CSMD3: variants seen among roughly 807,000 people sequenced by gnomAD.
CSMD3 encodes CUB and Sushi multiple domains 3, also known as CUB and sushi domain-containing protein 3.
In CSMD3, 177 loss-of-function variants were observed where a neutral mutation model predicts 435.2. The observed-to-expected ratio is 0.41, with a 90% CI of 0.36 to 0.46. The LOEUF (loss-of-function observed/expected upper bound fraction) is 0.46. CSMD3 is among the 20% of genes least tolerant of loss of function. The probability of loss-of-function intolerance (pLI) is 0.34; values close to 1 mark genes in which losing one functional copy is unlikely to be tolerated. For synonymous variants in CSMD3, 1,656 were observed against 1,520.5 expected, an observed-to-expected ratio of 1.09 and a Z score of -2.07; for missense variants, 4,265 against 4,504.6, an observed-to-expected ratio of 0.95 and a Z score of 1.52.
Position 112,503,991 on chromosome 8 carries a change from G to T in CSMD3, c.4896-14C>A. On this transcript the variant is annotated splice_polypyrimidine_tract_variant and intron_variant, in intron 29 of 70. Coordinates refer to ENST00000297405, the MANE Select transcript of CSMD3 (RefSeq NM_198123.2). ...TCTATGCTAAAACTGAAAAAAAAAAGGAAAGAACAAAAGAAAGAAAGAGAA... is the reference window on the plus strand; with the variant it reads ...TCTATGCTAAAACTGAAAAAAAAAATGAAAGAACAAAAGAAAGAAAGAGAA... 6.9e-7 allele frequency: 1 copy of T among 1,454,388 alleles called. No homozygotes were observed. The highest frequency in any genetic ancestry group is 9.6e-7 in the Non-Finnish European group (1 of 1,043,518). 90.1% of individuals were successfully genotyped at this position (1,454,388 alleles called of 1,614,324 possible).
chr8:112,402,240 T>G (rs897573686), intron 35 of CSMD3, among the ~76,000 whole-genome samples: 1 of 152,202 alleles, frequency 6.6e-6, no homozygotes. Flanking sequence ...AATTCAGTCA[T>G]GCGGACAAAG....
intron 1 of CSMD3, among the ~76,000 whole-genome samples, chr8:113,336,176 C>T (rs1013498363): frequency 6.6e-6 from 1 of 151,482 alleles, no homozygotes; most frequent in Non-Finnish European, 1.5e-5. Flanking sequence ...AGATTATTTT[C>T]TTTGTTCCCT....
chr8:113,214,962 A>G (rs908912598), intron 3 of CSMD3, among the ~76,000 whole-genome samples: 2 of 151,900 alleles, frequency 1.3e-5, no homozygotes, highest in African/African-American at 4.8e-5. Flanking sequence ...ATATGAAACT[A>G]AAACGAAATT....
rs541456176 is a variant in CSMD3 at position 112,286,960 on chromosome 8, C to T, written c.9331+104G>A. 209 of 888,030 alleles carry T rather than the reference C, an allele frequency of 2.4e-4. No homozygotes were observed. The African/African-American group carries it at 2.9e-3, about 12-fold the overall frequency. 55.0% of individuals were successfully genotyped at this position (888,030 alleles called of 1,614,324 possible). On this transcript the variant is annotated intron_variant, in intron 58 of 70. Coordinates refer to ENST00000297405, the MANE Select transcript of CSMD3 (RefSeq NM_198123.2). ...GACTGTTTTATTTCATAGTTGCAGG[C>T]AGAATAAACTAGTAAGAGTAATTTT...
At chr8:112,544,290 A>G (rs769914078) in intron 27 of CSMD3, among the ~76,000 whole-genome samples, 5 of 152,250 alleles carry the variant, frequency 3.3e-5, no homozygotes, top group Non-Finnish European at 5.9e-5. Context: ...GTACTGTAAA[A>G]TGATTAACAC....
rs7015670 is a variant in CSMD3 at position 112,795,430 on chromosome 8, T to A, written c.1972+4732A>T. On this transcript the variant is annotated intron_variant, in intron 13 of 70. Transcript: ENST00000297405. The stretch of plus-strand genomic sequence containing the variant: ...AGTTAGATGAAATGTATTTGAACTC[T>A]CTGCAGTTGGTAAAGATTCTTTTCC... Among the ~76,000 whole-genome samples, 1,019 of 152,262 alleles carry A rather than the reference T, an allele frequency of 6.7e-3. 9 individuals are homozygous for A. The highest frequency in any genetic ancestry group is 0.024 in the African/African-American group (983 of 41,562).
intron 37 of CSMD3, among the ~76,000 whole-genome samples, chr8:112,380,946 A>AT (rs1318495866): frequency 2.0e-5 from 3 of 152,086 alleles, no homozygotes; most frequent in African/African-American, 7.2e-5. Context: ...GAGGCTTCTG[A>AT]TTGTCAAAGT....
intron 5 of CSMD3, among the ~76,000 whole-genome samples, chr8:113,056,668 T>G (rs1159058648): frequency 6.6e-6 from 1 of 152,218 alleles, no homozygotes; most frequent in Non-Finnish European, 1.5e-5. Flanking sequence ...CTCTTCTGCT[T>G]CCAAAATGCA....
At position 113,325,635 on chromosome 8, in the gene CSMD3, C is replaced by T. The variant is rs200823857; in HGVS notation, c.179-10842G>A. On this transcript the variant is annotated intron_variant, in intron 1 of 70. Transcript: ENST00000297405. ...AAGTTTCTCAGTCTATTCCTCATCC[C>T]GTAATTCCCCACTGATGAAAAGAGT... Among the ~76,000 whole-genome samples, 21 of 152,226 alleles carry T rather than the reference C, an allele frequency of 1.4e-4. No homozygotes were observed. The East Asian group carries it at 3.3e-3, about 24-fold the overall frequency.
chr8:112,892,407 G>T (rs547776337), intron 10 of CSMD3, among the ~76,000 whole-genome samples: 1 of 151,466 alleles, frequency 6.6e-6, no homozygotes, highest in African/African-American at 2.4e-5. Context: ...GAATCTCATT[G>T]CCATTTTTGG....
At chr8:112,269,731 C>T (rs1307641880) in intron 59 of CSMD3, among the ~76,000 whole-genome samples, 4 of 152,300 alleles carry the variant, frequency 2.6e-5, no homozygotes, top group East Asian at 1.9e-4. Flanking sequence ...ATTATATCTT[C>T]TCTCTCTGTC....
At chr8:112,864,951 G>A (rs956790062) in intron 10 of CSMD3, among the ~76,000 whole-genome samples, 9 of 152,126 alleles carry the variant, frequency 5.9e-5, no homozygotes, top group African/African-American at 2.2e-4. Flanking sequence ...TATAAAGGAA[G>A]ATTAAAAGGG....
At chr8:112,809,910 A>G (rs1366310921) in intron 12 of CSMD3, among the ~76,000 whole-genome samples, 2 of 152,208 alleles carry the variant, frequency 1.3e-5, no homozygotes, top group South Asian at 4.1e-4. Flanking sequence ...TGAAGGAGGT[A>G]GCACCTGTCT....
chr8:112,748,350 CTTTAT>C (rs1460271236), intron 13 of CSMD3, among the ~76,000 whole-genome samples: 3 of 152,000 alleles, frequency 2.0e-5, no homozygotes, highest in Non-Finnish European at 4.4e-5. Context: ...TAAATTTTAA[CTTTAT>C]TTTAGTTTTG....
At chr8:112,634,167 T>C (rs2074592944) in intron 22 of CSMD3, among the ~76,000 whole-genome samples, 1 of 151,886 alleles carries the variant, frequency 6.6e-6, no homozygotes, top group African/African-American at 2.4e-5. Flanking sequence ...TAAACTAACA[T>C]TCCTAAAAGT....
chr8:112,404,045 C>A (rs769786743), intron 35 of CSMD3, among the ~76,000 whole-genome samples: 2 of 151,848 alleles, frequency 1.3e-5, no homozygotes, highest in Non-Finnish European at 2.9e-5. Flanking sequence ...GTGAAATATG[C>A]TAGGTATATT....
At chr8:112,905,416 T>G (rs2082233540) in intron 10 of CSMD3, among the ~76,000 whole-genome samples, 1 of 151,284 alleles carries the variant, frequency 6.6e-6, no homozygotes. Flanking sequence ...GTGTTTCTTG[T>G]GGTTGTGCAC....
At chr8:113,299,484 T>G (rs750443213) in intron 2 of CSMD3, among the ~76,000 whole-genome samples, 40 of 152,154 alleles carry the variant, frequency 2.6e-4, no homozygotes, top group Non-Finnish European at 1.5e-4. Flanking sequence ...TATTTTTTGT[T>G]TGCAATAACT....
chr8:112,823,044 T>G (rs2079572390), intron 12 of CSMD3, among the ~76,000 whole-genome samples: 1 of 152,198 alleles, frequency 6.6e-6, no homozygotes, highest in Admixed American at 6.5e-5. Flanking sequence ...GTCACTATTT[T>G]GTTGAGGATT....
Sources: allele counts gnomAD v4.1 joint callset (sites outside exome capture counted in the v4.1 genomes callset), GRCh38; gene constraint gnomAD v4.1.1; transcripts MANE v1.5; gene names NCBI Gene and HGNC (gene_info 2026-07-23, HGNC 2026-07-21).